FAT3: variants seen among roughly 807,000 people sequenced by gnomAD.
FAT3 encodes the protein FAT atypical cadherin 3, also known as protocadherin Fat 3.
In FAT3, 95 loss-of-function variants were observed where a neutral mutation model predicts 310.2. The ratio of observed to expected loss-of-function variants is 0.31; its 90% CI spans 0.26 to 0.36. FAT3 has a LOEUF of 0.36. Among genes scored for constraint, FAT3 ranks in the 10% least tolerant of loss-of-function variants. FAT3 has a pLI of 1.00. For missense variants in FAT3, 5,408 were observed against 5,715.6 expected, an observed-to-expected ratio of 0.95 and a Z score of 1.74; for synonymous variants, 2,314 against 2,192.9, an observed-to-expected ratio of 1.06 and a Z score of -1.54.
At chr11:92,850,679 G>T (rs1306729419) in intron 19 of FAT3, among the ~76,000 whole-genome samples, 5 of 152,186 alleles carry the variant, frequency 3.3e-5, no homozygotes, top group Non-Finnish European at 5.9e-5. Context: ...ATTATTCAAT[G>T]TATGAGGCAG....
At chr11:92,261,619 C>G (rs535908820) in intron 1 of FAT3, among the ~76,000 whole-genome samples, 1 of 152,034 alleles carries the variant, frequency 6.6e-6, no homozygotes, top group Non-Finnish European at 1.5e-5. Context: ...TTACAGCCAC[C>G]GGTTGGACCC....
intron 2 of FAT3, among the ~76,000 whole-genome samples, chr11:92,404,261 T>C (rs11827512): frequency 0.031 from 4,783 of 152,170 alleles, 228 homozygotes; most frequent in African/African-American, 0.095. Flanking sequence ...GGAGCTTTAC[T>C]TCTAGAAAGA....
intron 2 of FAT3, among the ~76,000 whole-genome samples, chr11:92,473,605 G>C (rs2135160034): frequency 1.3e-5 from 2 of 152,238 alleles, no homozygotes; most frequent in South Asian, 4.1e-4. Context: ...ACATATTCCT[G>C]TGTGAATGTT....
rs1185966523 is a variant in FAT3 at position 92,859,284 on chromosome 11, A to G, written c.11620A>G (p.Ile3874Val). The G allele has an allele frequency of 1.9e-6, 3 of 1,612,958 alleles. No individual in the cohort carries two copies. The African/African-American group carries it at 4.0e-5, about 22-fold the overall frequency. ...RLRTLQSNGI[I>V]MYTRANPCII... is the part of the protein sequence containing the mutation. ...TCGAACACTGCAAAGCAATGGGATT[A>G]TAATGTACACCAGAGCAAATCCCTG... Residue 3874 changes from isoleucine to valine, a missense_variant, in exon 21 of 28, where the codon ATA becomes GTA. This residue lies in a region of FAT3 where 4,588 missense variants were observed against 4,809.8 expected (regional missense o/e 0.95). Coordinates refer to ENST00000525166, the MANE Select transcript of FAT3 (RefSeq NM_001367949.2).
chr11:92,510,069 C>T (rs1953241942), intron 2 of FAT3, among the ~76,000 whole-genome samples: 1 of 152,052 alleles, frequency 6.6e-6, no homozygotes, highest in African/African-American at 2.4e-5. Context: ...ACTTCAGCTT[C>T]CTTCAGATAG....
intron 2 of FAT3, among the ~76,000 whole-genome samples, chr11:92,464,918 A>G (rs1048058922): frequency 6.6e-6 from 1 of 152,216 alleles, no homozygotes; most frequent in Non-Finnish European, 1.5e-5. Flanking sequence ...GCCAAAGCAT[A>G]CATTTGATAA....
intron 1 of FAT3, among the ~76,000 whole-genome samples, chr11:92,294,532 G>A (rs1012691594): frequency 3.3e-5 from 5 of 152,148 alleles, no homozygotes; most frequent in South Asian, 4.1e-4. Flanking sequence ...GCTAGAGAAG[G>A]TATCCATTGG....
At chr11:92,706,890 GAAC>G in intron 4 of FAT3, among the ~76,000 whole-genome samples, 1 of 152,310 alleles carries the variant, frequency 6.6e-6, no homozygotes, top group South Asian at 2.1e-4. Flanking sequence ...GATCTCAGCT[GAAC>G]ATTGTCCGCA....
At chr11:92,573,367 G>A (rs1938288274) in intron 3 of FAT3, among the ~76,000 whole-genome samples, 1 of 152,086 alleles carries the variant, frequency 6.6e-6, no homozygotes, top group Non-Finnish European at 1.5e-5. Context: ...GACTCTCAGT[G>A]GCCCCTAGTA....
intron 1 of FAT3, among the ~76,000 whole-genome samples, chr11:92,229,890 C>T (rs1864098657): frequency 6.7e-6 from 1 of 149,574 alleles, no homozygotes; most frequent in South Asian, 2.1e-4. Flanking sequence ...GATTTCAGAA[C>T]TTAATCAATT....
At chr11:92,523,128 A>C (rs1481549187) in intron 2 of FAT3, among the ~76,000 whole-genome samples, 2 of 152,166 alleles carry the variant, frequency 1.3e-5, no homozygotes, top group African/African-American at 2.4e-5. Flanking sequence ...TTATTCATTC[A>C]ATCAGTGAAC....
chr11:92,715,349 A>G (rs1195149457), intron 4 of FAT3, among the ~76,000 whole-genome samples: 1 of 152,054 alleles, frequency 6.6e-6, no homozygotes, highest in Non-Finnish European at 1.5e-5. Context: ...CAGAGCTTGC[A>G]GTGAACCAAG....
At chr11:92,853,020 A>G (rs1158711102) in intron 19 of FAT3, among the ~76,000 whole-genome samples, 1 of 152,086 alleles carries the variant, frequency 6.6e-6, no homozygotes, top group Non-Finnish European at 1.5e-5. Context: ...TTGCCTGAGT[A>G]TTTCTCACAC....
intron 21 of FAT3, among the ~76,000 whole-genome samples, chr11:92,865,021 A>C (rs1338896648): frequency 6.6e-6 from 1 of 152,164 alleles, no homozygotes. Context: ...TCCAGACCCA[A>C]ACCCAGAGGG....
intron 1 of FAT3, among the ~76,000 whole-genome samples, chr11:92,344,340 G>A (rs948528278): frequency 6.6e-6 from 1 of 152,160 alleles, no homozygotes; most frequent in Non-Finnish European, 1.5e-5. Context: ...CTGCTGGGAT[G>A]AGAATCCTCC....
chr11:92,715,593 A>G (rs186553079), intron 4 of FAT3, among the ~76,000 whole-genome samples: 1 of 152,132 alleles, frequency 6.6e-6, no homozygotes, highest in African/African-American at 2.4e-5. Context: ...ACGTACTTCC[A>G]GCATATAAAA....
chr11:92,716,350 T>C (rs959300001), intron 4 of FAT3, among the ~76,000 whole-genome samples: 6 of 152,230 alleles, frequency 3.9e-5, no homozygotes, highest in South Asian at 2.1e-4. Context: ...AGTGAGGTGG[T>C]CATCCTGCTA....
At chr11:92,618,248 C>T (rs896189492) in intron 3 of FAT3, among the ~76,000 whole-genome samples, 6 of 152,268 alleles carry the variant, frequency 3.9e-5, no homozygotes, top group South Asian at 2.1e-4. Flanking sequence ...TAGCGGTGAG[C>T]GAGGCGCCAT....
chr11:92,331,640 T>G (rs928429079), intron 1 of FAT3, among the ~76,000 whole-genome samples: 1 of 152,226 alleles, frequency 6.6e-6, no homozygotes, highest in Non-Finnish European at 1.5e-5. Context: ...ACTGAGGTAC[T>G]AACCTTCTTG....
Sources: gnomAD v4.1 joint callset for allele counts (sites outside exome capture counted in the v4.1 genomes callset) on GRCh38, gnomAD v4.1.1 for gene constraint, gnomAD v4.1.1 regional missense constraint, MANE v1.5 for transcripts, NCBI Gene and HGNC (gene_info 2026-07-23, HGNC 2026-07-21) for gene names.